Variants in TSPAN5 observed in about 807,000 individuals in gnomAD.
The protein encoded by TSPAN5 is tetraspanin-5.
A neutral mutation model predicts 37.1 loss-of-function variants in TSPAN5; 10 were observed. The observed-to-expected ratio is 0.27, with a 90% CI of 0.17 to 0.46. The LOEUF (loss-of-function observed/expected upper bound fraction) is 0.46. Ranked by LOEUF, TSPAN5 falls within the 20% of genes least tolerant of loss-of-function variation. TSPAN5 has a pLI of 1.00. For missense variants in TSPAN5, 195 were observed against 326.6 expected (o/e 0.60, Z 3.11); for synonymous variants, 110 against 118.9 (o/e 0.93, Z 0.48).
chr4:98,527,074 G>C (rs1231193786), intron 1 of TSPAN5, among the ~76,000 whole-genome samples: 4 of 152,150 alleles, frequency 2.6e-5, no homozygotes, highest in African/African-American at 9.7e-5. Flanking sequence ...ACTGTGCTTA[G>C]TATCTCACAC....
Position 98,478,707 on chromosome 4 carries a change from G to A in TSPAN5, c.554C>T (p.Ser185Phe), listed in dbSNP as rs769012168. ...ASRERCGVPFSCCTKDPAEDV... is the reference protein window; with the variant it reads ...ASRERCGVPFFCCTKDPAEDV... The stretch of plus-strand genomic sequence containing the variant: ...TACTGCGGGATCTTTAGTGCAGCAG[G>A]AGAATGGAACGCCACATCGCTCTCG... The change falls in exon 5 of 8, where the codon TCC becomes TTC. Residue 185 changes from serine (S) to phenylalanine (F), a missense_variant. Ser to Phe is a radical substitution (Grantham distance 155). Coordinates refer to ENST00000305798, the MANE Select transcript of TSPAN5 (RefSeq NM_005723.4). The A allele has an allele frequency of 6.2e-7, 1 of 1,614,052 alleles. No individual in the cohort carries two copies. Among genetic ancestry groups the A allele is most frequent in the Non-Finnish European group, 8.5e-7 (1 of 1,180,040 alleles).
chr4:98,497,316 C>CAAAAAA (rs398051229), intron 2 of TSPAN5, among the ~76,000 whole-genome samples: 2 of 101,860 alleles, frequency 2.0e-5, no homozygotes, highest in African/African-American at 7.0e-5. Flanking sequence ...GACTCCATCT[C>CAAAAAA]AAAAAAAAAA....
chr4:98,476,604 T>C, intron 5 of TSPAN5, 144 bp from the exon 6 acceptor site: 1 of 695,026 alleles, frequency 1.4e-6, no homozygotes. Flanking sequence ...AAACACTTTA[T>C]ATACATGATC....
intron 1 of TSPAN5, among the ~76,000 whole-genome samples, chr4:98,544,015 A>C (rs901105582): frequency 6.6e-6 from 1 of 151,966 alleles, no homozygotes; most frequent in Non-Finnish European, 1.5e-5. Context: ...TTGTCTCTAC[A>C]AGAAATTTTT....
intron 1 of TSPAN5, among the ~76,000 whole-genome samples, chr4:98,643,766 A>C (rs1285778371): frequency 6.6e-6 from 1 of 152,246 alleles, no homozygotes; most frequent in Non-Finnish European, 1.5e-5. Flanking sequence ...CTCTTCATTC[A>C]GTTTATTCTT....
intron 1 of TSPAN5, among the ~76,000 whole-genome samples, chr4:98,602,467 G>A (rs1234787996): frequency 6.6e-6 from 1 of 152,086 alleles, no homozygotes; most frequent in Non-Finnish European, 1.5e-5. Flanking sequence ...GGCAAAACCA[G>A]AAACACTTTA....
chr4:98,517,664 G>A (rs1173184896), intron 1 of TSPAN5, among the ~76,000 whole-genome samples: 3 of 152,030 alleles, frequency 2.0e-5, no homozygotes, highest in Non-Finnish European at 4.4e-5. Flanking sequence ...AGGGAGGGCT[G>A]TGCAAGCAAT....
At chr4:98,511,412 C>T (rs1753601534) in intron 1 of TSPAN5, among the ~76,000 whole-genome samples, 1 of 152,180 alleles carries the variant, frequency 6.6e-6, no homozygotes, top group African/African-American at 2.4e-5. Flanking sequence ...TCCTAGGCTA[C>T]AAACCTATAC....
chr4:98,476,550 G>A, intron 5 of TSPAN5, 90 bp from the exon 6 acceptor site: 1 of 1,180,962 alleles, frequency 8.5e-7, no homozygotes, highest in South Asian at 1.3e-5. Flanking sequence ...TTACGCATTA[G>A]TAATAAAATG....
intron 1 of TSPAN5, among the ~76,000 whole-genome samples, chr4:98,551,492 CTT>C (rs35415457): frequency 1.8e-3 from 167 of 92,220 alleles, no homozygotes; most frequent in African/African-American, 4.4e-3. Flanking sequence ...TTTTTCTTTT[CTT>C]TTTTTTTTTT....
chr4:98,656,604 G>A (rs1757299591), intron 1 of TSPAN5, among the ~76,000 whole-genome samples: 1 of 152,130 alleles, frequency 6.6e-6, no homozygotes, highest in Non-Finnish European at 1.5e-5. Flanking sequence ...CAGGGAGGTG[G>A]GTGACTGCTC....
At chr4:98,655,512 A>G (rs1194842643) in intron 1 of TSPAN5, among the ~76,000 whole-genome samples, 2 of 152,244 alleles carry the variant, frequency 1.3e-5, no homozygotes, top group East Asian at 1.9e-4. Flanking sequence ...TGGTGCCACC[A>G]TATGTTCAAT....
At chr4:98,506,846 G>A (rs1753486850) in intron 2 of TSPAN5, among the ~76,000 whole-genome samples, 1 of 152,116 alleles carries the variant, frequency 6.6e-6, no homozygotes, top group African/African-American at 2.4e-5. Context: ...AATGCTGCAG[G>A]TGATTTCACT....
chr4:98,613,001 T>C (rs1756236238), intron 1 of TSPAN5, among the ~76,000 whole-genome samples: 1 of 152,220 alleles, frequency 6.6e-6, no homozygotes, highest in Non-Finnish European at 1.5e-5. Flanking sequence ...CCCTGCAGTG[T>C]TTATCATCTG....
chr4:98,559,521 ACT>A (rs1754831444), intron 1 of TSPAN5, among the ~76,000 whole-genome samples: 1 of 152,020 alleles, frequency 6.6e-6, no homozygotes, highest in Admixed American at 6.6e-5. Flanking sequence ...TGACATACAC[ACT>A]CTATTTTCTT....
At chr4:98,618,737 G>A (rs1347982485) in intron 1 of TSPAN5, among the ~76,000 whole-genome samples, 2 of 152,146 alleles carry the variant, frequency 1.3e-5, no homozygotes, top group Admixed American at 6.6e-5. Flanking sequence ...GTGTGTAGGA[G>A]CAAAAACTAA....
intron 1 of TSPAN5, among the ~76,000 whole-genome samples, chr4:98,554,032 G>A (rs1051869452): frequency 1.3e-4 from 19 of 151,448 alleles, no homozygotes; most frequent in Non-Finnish European, 2.5e-4. Context: ...ATGCCATTGC[G>A]CTCCATCCTG....
Position 98,619,230 on chromosome 4 carries a change from T to A in TSPAN5, c.81+38916A>T, listed in dbSNP as rs1440394778. Among the ~76,000 whole-genome samples the A allele has an allele frequency of 2.0e-5, 3 of 152,208 alleles. No homozygotes were observed. The East Asian group carries it at 5.8e-4, about 29-fold the overall frequency. ...TTTGGGAAATTCATTCAGGAGACAT[T>A]TGGCTTTGCTTATACTTCTGTTGCT... is the stretch of plus-strand genomic sequence containing the variant. On this transcript the variant is annotated intron_variant, in intron 1 of 7. Transcript: ENST00000305798.
At chr4:98,643,369 C>T (rs1756998227) in intron 1 of TSPAN5, among the ~76,000 whole-genome samples, 1 of 152,110 alleles carries the variant, frequency 6.6e-6, no homozygotes, top group Non-Finnish European at 1.5e-5. Flanking sequence ...TCCCATGACT[C>T]ATTTCTCAGA....
Sources: gnomAD v4.1 joint callset for allele counts (sites outside exome capture counted in the v4.1 genomes callset) on GRCh38, gnomAD v4.1.1 for gene constraint, MANE v1.5 for transcripts, NCBI Gene and HGNC (gene_info 2026-07-23, HGNC 2026-07-21) for gene names.